The following NHS variants were observed in gnomAD, a reference collection of about 807,000 sequenced individuals.
NHS encodes actin remodeling regulator NHS.
In NHS, 5 loss-of-function variants were observed where a neutral mutation model predicts 72.5. That is an observed-to-expected ratio of 0.07 (90% CI 0.04 to 0.14). The LOEUF is 0.14. NHS is among the 10% of genes least tolerant of loss of function. NHS has a pLI of 1.00. For synonymous variants in NHS, 464 were observed against 547.7 expected, an observed-to-expected ratio of 0.85 and a Z score of 2.13; for missense variants, 1,072 against 1,355.7, an observed-to-expected ratio of 0.79 and a Z score of 3.29.
In NHS at chrX:17,512,012, T is replaced by C. The variant is rs2065091141; in HGVS notation, c.565+135690T>C. Among the ~76,000 whole-genome samples, 3 of 111,923 alleles carry C rather than the reference T, an allele frequency of 2.7e-5. No individual in the cohort carries two copies. The South Asian group carries it at 1.1e-3, about 42-fold the overall frequency. On this transcript the variant is annotated intron_variant, in intron 1 of 8. Coordinates refer to ENST00000676302, the MANE Select transcript of NHS (RefSeq NM_001291867.2). ...TGCACCATTTCCCAGAATTTCCCAG[T>C]GGGATTAAACTCTAGTCATGCACAG...
At chrX:17,689,717 T>C (rs2066184366) in intron 2 of NHS, among the ~76,000 whole-genome samples, 1 of 112,493 alleles carries the variant, frequency 8.9e-6, no homozygotes, top group Non-Finnish European at 1.9e-5. Flanking sequence ...TGCAAAAAAC[T>C]GGTTGAACAT....
chrX:17,479,077 C>A (rs1383798992), intron 1 of NHS, among the ~76,000 whole-genome samples: 2 of 111,099 alleles, frequency 1.8e-5, no homozygotes, highest in South Asian at 3.9e-4. Context: ...CCAACAGGCC[C>A]TGGTGTGTGA....
intron 1 of NHS, among the ~76,000 whole-genome samples, chrX:17,617,706 G>A (rs2065753538): frequency 8.9e-6 from 1 of 112,241 alleles, no homozygotes; most frequent in Admixed American, 9.4e-5. Flanking sequence ...CTAGGGCGAG[G>A]CATGGGGCCC....
At chrX:17,495,705 T>C (rs1326714576) in intron 1 of NHS, among the ~76,000 whole-genome samples, 1 of 112,194 alleles carries the variant, frequency 8.9e-6, no homozygotes, top group East Asian at 2.8e-4. Context: ...AGAAGCCAGT[T>C]GTAAACCCAT....
At chrX:17,633,785 C>T (rs2065831357) in intron 1 of NHS, among the ~76,000 whole-genome samples, 1 of 112,125 alleles carries the variant, frequency 8.9e-6, no homozygotes, top group Non-Finnish European at 1.9e-5. Context: ...CCTATTATGA[C>T]TTCCCAGAAA....
intron 1 of NHS, among the ~76,000 whole-genome samples, chrX:17,504,096 C>T (rs926927813): frequency 8.9e-6 from 1 of 111,936 alleles, no homozygotes; most frequent in African/African-American, 3.2e-5. Flanking sequence ...TTTGATTATT[C>T]AAGTGTTTAC....
At chrX:17,571,910 G>C (rs1296099473) in intron 1 of NHS, among the ~76,000 whole-genome samples, 2 of 111,736 alleles carry the variant, frequency 1.8e-5, no homozygotes, top group East Asian at 2.8e-4. Context: ...TTTCTGCCTT[G>C]ATTTCGTTAT....
At chrX:17,387,435 ATAACTG>A (rs2064416575) in intron 1 of NHS, among the ~76,000 whole-genome samples, 1 of 111,875 alleles carries the variant, frequency 8.9e-6, no homozygotes, top group African/African-American at 3.2e-5. Context: ...TGGTCACAGA[ATAACTG>A]TAACGTTGGA....
intron 1 of NHS, among the ~76,000 whole-genome samples, chrX:17,391,061 AACAG>A (rs994868855): frequency 1.5e-4 from 17 of 111,594 alleles, no homozygotes; most frequent in Non-Finnish European, 2.3e-4. Flanking sequence ...CAAACAAACA[AACAG>A]ACAGACAGAC....
At chrX:17,704,879 G>A (rs188410775) in intron 3 of NHS, among the ~76,000 whole-genome samples, 191 of 112,233 alleles carry the variant, frequency 1.7e-3, no homozygotes, top group African/African-American at 5.2e-3. Context: ...AATCAGGGAG[G>A]CTAAAAGACC....
chrX:17,564,715 C>T (rs2065433262), intron 1 of NHS, among the ~76,000 whole-genome samples: 1 of 111,964 alleles, frequency 8.9e-6, no homozygotes. Context: ...GTGTATGGCC[C>T]TAACGGTCAA....
chrX:17,577,495 T>C (rs1428730007), intron 1 of NHS, among the ~76,000 whole-genome samples: 3 of 111,870 alleles, frequency 2.7e-5, no homozygotes, highest in African/African-American at 9.7e-5. Flanking sequence ...ATATGATGAA[T>C]GTCTTACACC....
chrX:17,438,053 G>A (rs1193156224), intron 1 of NHS, among the ~76,000 whole-genome samples: 10 of 112,353 alleles, frequency 8.9e-5, no homozygotes, highest in African/African-American at 1.3e-4. Context: ...GTAGTGACAC[G>A]TGGAGAATTG....
In NHS at chrX:17,564,978, TATTTA is replaced by T. The variant is rs369251606; in HGVS notation, c.566-122763_566-122759del. On this transcript the variant is annotated intron_variant, in intron 1 of 8. Coordinates refer to ENST00000676302, the MANE Select transcript of NHS (RefSeq NM_001291867.2). Reference sequence around the variant, plus strand: ...AATTGGGTACAGCCACATTTTTTTTTATTTATTTTTTTTTTTTGCAGCAACTCCCA... The same window carrying T: ...AATTGGGTACAGCCACATTTTTTTTTTTTTTTTTTTTTGCAGCAACTCCCA... 2.3e-3 allele frequency among the ~76,000 whole-genome samples: 246 copies of T among 108,054 alleles called. 4 individuals carry two copies. Among genetic ancestry groups the T allele is most frequent in the African/African-American group, 8.6e-3 (238 of 27,805 alleles). The allele number at this position is 108,054 out of a possible 115,157, so 93.8% of individuals were successfully genotyped here.
chrX:17,648,126 C>A (rs1057217402), intron 1 of NHS, among the ~76,000 whole-genome samples: 4 of 111,910 alleles, frequency 3.6e-5, no homozygotes, highest in Non-Finnish European at 5.6e-5. Context: ...TCACCCAGTA[C>A]TTAGTGGCTT....
At chrX:17,654,003 C>T (rs758197550) in intron 1 of NHS, among the ~76,000 whole-genome samples, 7 of 111,494 alleles carry the variant, frequency 6.3e-5, no homozygotes, top group Non-Finnish European at 1.3e-4. Context: ...GGTATTCCCA[C>T]CCACTTCACA....
At position 17,591,519 on chromosome X, in the gene NHS, C is replaced by T. The variant is rs1365991435; in HGVS notation, c.566-96223C>T. On this transcript the variant is annotated intron_variant, in intron 1 of 8. Coordinates refer to ENST00000676302, the MANE Select transcript of NHS (RefSeq NM_001291867.2). Reference sequence around the variant, plus strand: ...TGGTATTTGGTATGAAGACAGAATCCTCCACCCTGCCCTTAAAATTTCACA... The same window carrying T: ...TGGTATTTGGTATGAAGACAGAATCTTCCACCCTGCCCTTAAAATTTCACA... Among the ~76,000 whole-genome samples, 3 of 111,791 alleles carry T rather than the reference C, an allele frequency of 2.7e-5. No homozygotes were observed. The Admixed American group carries it at 2.8e-4, about 11-fold the overall frequency.
At chrX:17,472,938 A>G (rs2064898517) in intron 1 of NHS, among the ~76,000 whole-genome samples, 1 of 112,662 alleles carries the variant, frequency 8.9e-6, no homozygotes, top group African/African-American at 3.2e-5. Flanking sequence ...ACTTTTTCAA[A>G]GGTGTCAAAG....
rs934410757 is a variant in NHS at position 17,546,156 on chromosome X, C to CA, written c.566-141579dup. 9.0e-5 allele frequency among the ~76,000 whole-genome samples: 10 copies of CA among 111,128 alleles called. No homozygotes were observed. In the East Asian group the frequency reaches 1.7e-3, roughly 19 times the overall value. On this transcript the variant is annotated intron_variant, in intron 1 of 8. Transcript: ENST00000676302. ...ACAGTGAGACTGGCTCAGGGACTGC[C>CA]AAAAAAAGGGACTAGATTCTGGGGC...
Sources: allele counts gnomAD v4.1 joint callset (sites outside exome capture counted in the v4.1 genomes callset), GRCh38; gene constraint gnomAD v4.1.1; transcripts MANE v1.5; gene names NCBI Gene and HGNC (gene_info 2026-07-23, HGNC 2026-07-21).